PIEZO2: variants seen among roughly 807,000 people sequenced by gnomAD.
The protein encoded by PIEZO2 is piezo type mechanosensitive ion channel component 2, also known as piezo-type mechanosensitive ion channel component 2.
PIEZO2 carries 172 observed loss-of-function variants against 337.3 expected under a neutral mutation model. The observed-to-expected ratio is 0.51, with a 90% CI of 0.45 to 0.58. The LOEUF (loss-of-function observed/expected upper bound fraction) is 0.58, where lower values mean the gene tolerates loss of function less well. PIEZO2 is among the 20% of genes least tolerant of loss of function. The probability of loss-of-function intolerance (pLI) is 0.00; values close to 1 mark genes in which losing one functional copy is unlikely to be tolerated. For missense variants in PIEZO2, 3,028 were observed against 3,391.3 expected (o/e 0.89, Z 2.66); for synonymous variants, 1,251 against 1,228.5 (o/e 1.02, Z -0.38).
At chr18:10,842,570 G>A (rs2041230837) in intron 7 of PIEZO2, among the ~76,000 whole-genome samples, 1 of 152,200 alleles carries the variant, frequency 6.6e-6, no homozygotes, top group African/African-American at 2.4e-5. Context: ...TGCCATGAGT[G>A]GAAGCAGCCT....
intron 7 of PIEZO2, among the ~76,000 whole-genome samples, chr18:10,820,589 A>G (rs2040492487): frequency 6.6e-6 from 1 of 152,162 alleles, no homozygotes; most frequent in African/African-American, 2.4e-5. Context: ...AATCTTGAAA[A>G]TATTTTAAAA....
At chr18:10,921,675 G>C (rs12326658) in intron 3 of PIEZO2, among the ~76,000 whole-genome samples, 3,166 of 152,240 alleles carry the variant, frequency 0.021, 97 homozygotes, top group African/African-American at 0.07. Flanking sequence ...GAATGAGAGA[G>C]ATCACCTTAA....
chr18:10,961,106 G>A (rs540408101), intron 3 of PIEZO2, among the ~76,000 whole-genome samples: 8 of 151,952 alleles, frequency 5.3e-5, no homozygotes, highest in East Asian at 1.9e-4. Flanking sequence ...GTGTGAACCC[G>A]GGAGGCAGAG....
At chr18:10,843,152 A>C (rs1372072164) in intron 7 of PIEZO2, among the ~76,000 whole-genome samples, 1 of 152,218 alleles carries the variant, frequency 6.6e-6, no homozygotes, top group Non-Finnish European at 1.5e-5. Flanking sequence ...TGAAAAATTA[A>C]TGAGGTGTTG....
chr18:10,705,378 G>T lies in PIEZO2; in HGVS notation c.5957C>A (p.Pro1986His). ...GCTGGCCGTCAGCTCATGGGTCAGGGGAGGTAAGATGCTGGACCCCAGCTT... is the reference window on the plus strand; with the variant it reads ...GCTGGCCGTCAGCTCATGGGTCAGGTGAGGTAAGATGCTGGACCCCAGCTT... ...TDKLGSSILP[P>H]LTHELTASEL... Residue 1986 changes from proline (P) to histidine (H), a missense_variant, in exon 41 of 56, where the codon CCC becomes CAC. By Grantham distance (77) the Pro-to-His change is moderately conservative. Around this residue, in one of 5 missense-constraint regions of PIEZO2, gnomAD observed 1,925 missense variants for 2,051.9 expected, o/e 0.94. Transcript: ENST00000674853. 6.5e-7 allele frequency: 1 copy of T among 1,537,160 alleles called. No individual in the cohort carries two copies.
intron 7 of PIEZO2, among the ~76,000 whole-genome samples, chr18:10,845,999 G>A (rs1221454749): frequency 2.0e-5 from 3 of 152,188 alleles, no homozygotes; most frequent in East Asian, 1.9e-4. Flanking sequence ...TTGAGGCAGT[G>A]GGAGTGCCGT....
rs139028967 is a variant in PIEZO2, at chr18:10,901,844, A to G, written c.329+9342T>C. Among the ~76,000 whole-genome samples the G allele has an allele frequency of 4.0e-3, 603 of 152,090 alleles. 9 individuals are homozygous for G. Among genetic ancestry groups the G allele is most frequent in the Admixed American group, 0.02 (300 of 15,274 alleles). On this transcript the variant is annotated intron_variant, in intron 4 of 55. Transcript: ENST00000674853. Reference sequence around the variant, plus strand: ...AAAGTCAGATCCGGATTTTAACTCTATCTTCATAAAAATCACACTTCCACC... The same window carrying G: ...AAAGTCAGATCCGGATTTTAACTCTGTCTTCATAAAAATCACACTTCCACC...
At chr18:10,704,975 G>A (rs2035513148) in intron 41 of PIEZO2, among the ~76,000 whole-genome samples, 1 of 152,228 alleles carries the variant, frequency 6.6e-6, no homozygotes, top group Admixed American at 6.5e-5. Context: ...ACAGGCATGA[G>A]CCACTGCGCC....
Position 10,794,695 on chromosome 18 carries a change from G to T in PIEZO2, c.1758+77C>A. 1.8e-6 allele frequency: 2 copies of T among 1,131,776 alleles called. No individual in the cohort carries two copies. The highest frequency in any genetic ancestry group is 2.4e-6 in the Non-Finnish European group (2 of 819,252). The allele number at this position is 1,131,776 out of a possible 1,614,324, so 70.1% of individuals were successfully genotyped here. On this transcript the variant is annotated intron_variant, in intron 13 of 55. Coordinates refer to ENST00000674853, the MANE Select transcript of PIEZO2 (RefSeq NM_001378183.1). The surrounding 1 kb of genome is among the most constrained non-coding windows in gnomAD (Gnocchi z 6.6). Reference sequence around the variant, plus strand: ...AATATTTGGAACCTGTTTTTATAAGGTTTCTCTTGGATACGATTATGATGA... The same window carrying T: ...AATATTTGGAACCTGTTTTTATAAGTTTTCTCTTGGATACGATTATGATGA...
intron 7 of PIEZO2, among the ~76,000 whole-genome samples, chr18:10,844,066 A>T (rs1479263009): frequency 6.6e-6 from 1 of 152,074 alleles, no homozygotes; most frequent in African/African-American, 2.4e-5. Flanking sequence ...AGTGTAGGTC[A>T]TAAGGGCACA....
intron 36 of PIEZO2, among the ~76,000 whole-genome samples, chr18:10,731,177 TTATATATA>T (rs60508630): frequency 0.01 from 365 of 35,184 alleles, 1 homozygote; most frequent in African/African-American, 0.037. Flanking sequence ...ACTTAAAAGA[TTATATATA>T]TATATATATA....
chr18:10,999,780 C>T (rs1300145365), intron 2 of PIEZO2, among the ~76,000 whole-genome samples: 2 of 151,994 alleles, frequency 1.3e-5, no homozygotes, highest in African/African-American at 2.4e-5. Flanking sequence ...AAAGAATTTC[C>T]CACAATTTTA....
intron 2 of PIEZO2, among the ~76,000 whole-genome samples, chr18:11,004,597 C>G (rs909957659): frequency 6.6e-6 from 1 of 152,022 alleles, no homozygotes; most frequent in African/African-American, 2.4e-5. Flanking sequence ...CAAAATAAAC[C>G]AATAATATAC....
At chr18:10,796,321 G>A (rs1304803256) in intron 12 of PIEZO2, among the ~76,000 whole-genome samples, 1 of 151,030 alleles carries the variant, frequency 6.6e-6, no homozygotes, top group Non-Finnish European at 1.5e-5. Flanking sequence ...AGTGAGCTGA[G>A]ATTGTGCCAC....
intron 41 of PIEZO2, 32 bp downstream of exon 41, chr18:10,705,304 A>C: frequency 6.7e-7 from 1 of 1,482,620 alleles, no homozygotes; most frequent in Non-Finnish European, 8.9e-7. Context: ...TGATTTGGGG[A>C]TATGTGTCTG....
Position 10,979,465 on chromosome 18 carries a change from C to T in PIEZO2, c.286+70G>A. On this transcript the variant is annotated intron_variant, in intron 3 of 55. Coordinates refer to ENST00000674853, the MANE Select transcript of PIEZO2 (RefSeq NM_001378183.1). The surrounding 1 kb of genome is among the most constrained non-coding windows in gnomAD (Gnocchi z 4.0). ...ATAGATTTCTATGTGTGCGATGACA[C>T]ACAGCTTTATTATGCACGTATATAA... is the stretch of plus-strand genomic sequence containing the variant. The T allele has an allele frequency of 7.6e-7, 1 of 1,309,046 alleles. No individual in the cohort carries two copies. The highest frequency in any genetic ancestry group is 2.0e-4 in the Middle Eastern group (1 of 5,116). 81.1% of individuals were successfully genotyped at this position (1,309,046 alleles called of 1,614,324 possible).
intron 38 of PIEZO2, 37 bp from the exon 39 acceptor site, chr18:10,714,967 G>A: frequency 2.0e-6 from 3 of 1,529,608 alleles, no homozygotes; most frequent in Non-Finnish European, 2.6e-6. Context: ...TTCTTATGGA[G>A]GCATCTACCT....
rs2038317725 is a variant in PIEZO2, at chr18:11,070,899, C to A, written c.65-4677G>T. The stretch of plus-strand genomic sequence containing the variant: ...ACATCAGGATGCGAGTGGCGGGTAC[C>A]CAGACAGGAAGACCAGATCAAGAAG... On this transcript the variant is annotated intron_variant, in intron 1 of 55. Coordinates refer to ENST00000674853, the MANE Select transcript of PIEZO2 (RefSeq NM_001378183.1). The surrounding 1 kb of genome is among the most constrained non-coding windows in gnomAD (Gnocchi z 4.3). Among the ~76,000 whole-genome samples, 1 of 151,956 alleles carries A rather than the reference C, an allele frequency of 6.6e-6. No homozygotes were observed. The highest frequency in any genetic ancestry group is 6.6e-5 in the Admixed American group (1 of 15,228).
At chr18:10,909,123 C>T (rs1251180859) in intron 4 of PIEZO2, among the ~76,000 whole-genome samples, 2 of 152,088 alleles carry the variant, frequency 1.3e-5, no homozygotes, top group Admixed American at 6.6e-5. Flanking sequence ...AACACGAAAA[C>T]GATAGAGTGA....
Sources: allele counts gnomAD v4.1 joint callset (sites outside exome capture counted in the v4.1 genomes callset), GRCh38; gene constraint gnomAD v4.1.1; regional missense constraint gnomAD v4.1.1; non-coding constraint Gnocchi (gnomAD v3.1); transcripts MANE v1.5; gene names NCBI Gene and HGNC (gene_info 2026-07-23, HGNC 2026-07-21).